Variants in ZNF548 observed in about 807,000 individuals in gnomAD.
ZNF548 encodes the protein zinc finger protein 548.
ZNF548 carries 10 observed loss-of-function variants against 10.2 expected under a neutral mutation model. The ratio of observed to expected loss-of-function variants is 0.98; its 90% CI spans 0.60 to 1.66. ZNF548 has a LOEUF of 1.66. Among genes scored for constraint, ZNF548 ranks in the 40% most tolerant of loss-of-function variants. The pLI, the probability that ZNF548 is intolerant of heterozygous loss-of-function variation, is 0.00. For missense variants in ZNF548, 599 were observed against 657.0 expected (o/e 0.91, Z 0.97); for synonymous variants, 217 against 223.5 (o/e 0.97, Z 0.26).
chr19:57,392,403 G>A (rs1568530847), intron 1 of ZNF548, among the ~76,000 whole-genome samples: 1 of 152,254 alleles, frequency 6.6e-6, no homozygotes, highest in South Asian at 2.1e-4. Flanking sequence ...TTTTCCTTTA[G>A]TATTCTTCGT....
In ZNF548 at chr19:57,398,880, A is replaced by T; in HGVS notation, c.629A>T (p.Lys210Ile). 1 of 1,614,028 alleles carries T rather than the reference A, an allele frequency of 6.2e-7. No homozygotes were observed. The highest frequency in any genetic ancestry group is 8.5e-7 in the Non-Finnish European group (1 of 1,179,898). Residue 210 changes from lysine to isoleucine, a missense_variant, in exon 4 of 4, where the codon AAA becomes ATA. Physicochemically the swap from Lys to Ile is moderately radical, Grantham distance 102. Transcript: ENST00000336128. ...TTTCAGACTGGACAAAATGATTACA[A>T]ATGTAGTGAATGTGGGAAAACCTTC... ...EAFQTGQNDY[K>I]CSECGKTFTC...
At chr19:57,396,769 G>T in intron 2 of ZNF548, 1 of 351,630 alleles carries the variant, frequency 2.8e-6, no homozygotes, top group South Asian at 7.9e-5. Context: ...AGGGCTGGGC[G>T]TCAGGATAGT....
chr19:57,401,056 A>G lies in ZNF548; in HGVS notation c.*1167A>G, dbSNP rs565608885. The G allele has an allele frequency of 7.9e-5, 12 of 151,876 alleles. No homozygotes were observed. The highest frequency in any genetic ancestry group is 1.6e-4 in the Non-Finnish European group (11 of 67,970). 9.4% of individuals were successfully genotyped at this position (151,876 alleles called of 1,614,324 possible). On this transcript the variant is annotated 3_prime_UTR_variant, in exon 4 of 4. Coordinates refer to ENST00000336128, the MANE Select transcript of ZNF548 (RefSeq NM_001172773.2). ...TTTTTTTTCCATTTTTAATGGGACT[A>G]TTTGCTTTTTGTTGTTGAGTTGTAG... is the stretch of plus-strand genomic sequence containing the variant.
At chr19:57,390,403 A>T in intron 1 of ZNF548, 2 of 373,880 alleles carry the variant, frequency 5.3e-6, no homozygotes, top group Non-Finnish European at 9.7e-6. Flanking sequence ...CTGAGCAGCC[A>T]GTAACCATGG....
Position 57,401,392 on chromosome 19 carries a change from T to C in ZNF548, c.*1503T>C, listed in dbSNP as rs2088715401. The C allele has an allele frequency of 6.6e-6, 1 of 152,208 alleles. No homozygotes were observed. The highest frequency in any genetic ancestry group is 2.4e-5 in the African/African-American group (1 of 41,448). The allele number at this position is 152,208 out of a possible 1,614,324, so 9.4% of individuals were successfully genotyped here. A position where few individuals can be genotyped will look rare whatever the true frequency, so the allele number is the denominator to read the frequency against. On this transcript the variant is annotated 3_prime_UTR_variant, in exon 4 of 4. Transcript: ENST00000336128. The stretch of plus-strand genomic sequence containing the variant: ...TTTCTTGTCATTATTCCCTAAACTA[T>C]ATAGTATAATAAATATTTACATAGC...
At position 57,398,630 on chromosome 19, in the gene ZNF548, G is replaced by C; in HGVS notation, c.379G>C (p.Glu127Gln). Residue 127 changes from glutamate to glutamine, a missense_variant, in exon 4 of 4, where the codon GAG becomes CAG. Glu to Gln is a conservative substitution (Grantham distance 29). Transcript: ENST00000336128. The part of the protein sequence containing the change: ...IHPEQHIYIC[E>Q]AELFQHPKQQ... ...TCCTGAGCAACACATATATATTTGT[G>C]AGGCAGAGCTTTTTCAGCACCCAAA... The C allele has an allele frequency of 6.2e-7, 1 of 1,614,046 alleles. No individual in the cohort carries two copies. The highest frequency in any genetic ancestry group is 8.5e-7 in the Non-Finnish European group (1 of 1,179,900).
rs2088716950 is a variant in ZNF548, at chr19:57,401,567, T to A, written c.*1678T>A. ...TATCCACAAGGGGTCCTGGAATCAG[T>A]CCCCCACAGACACCAAGGGATGACT... On this transcript the variant is annotated 3_prime_UTR_variant, in exon 4 of 4. Coordinates refer to ENST00000336128, the MANE Select transcript of ZNF548 (RefSeq NM_001172773.2). 1 of 152,042 alleles carries A rather than the reference T, an allele frequency of 6.6e-6. No homozygotes were observed. Among genetic ancestry groups the A allele is most frequent in the Non-Finnish European group, 1.5e-5 (1 of 68,014 alleles). The allele number at this position is 152,042 out of a possible 1,614,324, so 9.4% of individuals were successfully genotyped here.
Position 57,400,660 on chromosome 19 carries a change from C to T in ZNF548, c.*771C>T, listed in dbSNP as rs2088708729. The T allele has an allele frequency of 6.6e-6, 1 of 152,224 alleles. No homozygotes were observed. 9.4% of individuals were successfully genotyped at this position (152,224 alleles called of 1,614,324 possible). A position where few individuals can be genotyped will look rare whatever the true frequency, so the allele number is the denominator to read the frequency against. On this transcript the variant is annotated 3_prime_UTR_variant, in exon 4 of 4. Transcript: ENST00000336128. ...GTGTTAGCCAGGATGGTCCTGATCTCCTGACCTTGTGATCTGCCTGCCTTG... is the reference window on the plus strand; with the variant it reads ...GTGTTAGCCAGGATGGTCCTGATCTTCTGACCTTGTGATCTGCCTGCCTTG...
chr19:57,399,380 T>C lies in ZNF548; in HGVS notation c.1129T>C (p.Tyr377His). 1.9e-6 allele frequency: 3 copies of C among 1,614,216 alleles called. No individual in the cohort carries two copies. Among genetic ancestry groups the C allele is most frequent in the Non-Finnish European group, 2.5e-6 (3 of 1,180,044 alleles). The change falls in exon 4 of 4, where the codon TAT (tyrosine) becomes CAT (histidine). Residue 377 changes from tyrosine (Y) to histidine (H), a missense_variant. Transcript: ENST00000336128. The surrounding 1 kb of genome is among the most constrained non-coding windows in gnomAD (Gnocchi z 4.0). ...GAGAATTCACACTGGAGAAAGGCCT[T>C]ATGAGTGCAGTGTATGTGGGGAATT... ...HQRIHTGERP[Y>H]ECSVCGELFR... is the part of the protein sequence containing the mutation.
rs754358214 is a variant in ZNF548, at chr19:57,394,247, T to G, written c.51+24T>G. Reference sequence around the variant, plus strand: ...AGGTGAGTAGAGTGTTTCCTACTATTCACCCACCCTGGTTATCTCCCAGAT... The same window carrying G: ...AGGTGAGTAGAGTGTTTCCTACTATGCACCCACCCTGGTTATCTCCCAGAT... On this transcript the variant is annotated intron_variant, in intron 2 of 3. Transcript: ENST00000336128. 2.3e-5 allele frequency: 37 copies of G among 1,598,266 alleles called. No homozygotes were observed. In the African/African-American group the frequency reaches 4.9e-4, roughly 21 times the overall value.
intron 3 of ZNF548, among the ~76,000 whole-genome samples, chr19:57,397,941 A>G (rs78738681): frequency 0.019 from 2,821 of 152,178 alleles, 50 homozygotes; most frequent in Non-Finnish European, 0.027. Context: ...TGCACCTCCA[A>G]TGCCCCACAG....
Position 57,400,645 on chromosome 19 carries a change from G to A in ZNF548, c.*756G>A, listed in dbSNP as rs952055334. The A allele has an allele frequency of 6.6e-6, 1 of 152,300 alleles. No homozygotes were observed. Among genetic ancestry groups the A allele is most frequent in the African/African-American group, 2.4e-5 (1 of 41,452 alleles). 9.4% of individuals were successfully genotyped at this position (152,300 alleles called of 1,614,324 possible). ...AGACGGGGTTTCACCGTGTTAGCCA[G>A]GATGGTCCTGATCTCCTGACCTTGT... On this transcript the variant is annotated 3_prime_UTR_variant, in exon 4 of 4. Transcript: ENST00000336128.
rs2088704910 is a variant in ZNF548 at position 57,400,270 on chromosome 19, A to T, written c.*381A>T. ...ATTTATATACCACATTTATTTATCC[A>T]TTCATCTGTTAGTGGATACTTGGGC... On this transcript the variant is annotated 3_prime_UTR_variant, in exon 4 of 4. Coordinates refer to ENST00000336128, the MANE Select transcript of ZNF548 (RefSeq NM_001172773.2). The T allele has an allele frequency of 5.6e-6, 1 of 178,358 alleles. No individual in the cohort carries two copies. Among genetic ancestry groups the T allele is most frequent in the Admixed American group, 5.4e-5 (1 of 18,602 alleles). The allele number at this position is 178,358 out of a possible 1,614,324, so 11.0% of individuals were successfully genotyped here.
chr19:57,393,219 A>G (rs2088639299), intron 1 of ZNF548, among the ~76,000 whole-genome samples: 1 of 152,224 alleles, frequency 6.6e-6, no homozygotes, highest in Admixed American at 6.5e-5. Flanking sequence ...AGAAAGGACC[A>G]GTACCTGACC....
In ZNF548 at chr19:57,389,963, G is replaced by A; in HGVS notation, c.-137G>A. 1 of 1,131,284 alleles carries A rather than the reference G, an allele frequency of 8.8e-7. No individual in the cohort carries two copies. The highest frequency in any genetic ancestry group is 2.6e-5 in the East Asian group (1 of 38,984). The allele number at this position is 1,131,284 out of a possible 1,614,324, so 70.1% of individuals were successfully genotyped here. ...CACCGAAGTGACGGAACGGAAAAGC[G>A]CGAGAAGCGGCTCGGTTCCCACCAC... is the stretch of plus-strand genomic sequence containing the variant. On this transcript the variant is annotated 5_prime_UTR_variant, in exon 1 of 4. Coordinates refer to ENST00000336128, the MANE Select transcript of ZNF548 (RefSeq NM_001172773.2).
In ZNF548 at chr19:57,399,634, C is replaced by T. The variant is rs765321562; in HGVS notation, c.1383C>T (p.Tyr461=). The change falls in exon 4 of 4, where the codon TAC becomes TAT. Residue 461 remains tyrosine, a synonymous_variant. Transcript: ENST00000336128. This position sits in a 1 kb window ranked among gnomAD's most constrained non-coding sequence, Gnocchi z 4.0. Reference sequence around the variant, plus strand: ...GAAATCACACTGGAGAAAGGCCTTACGAGTGCAGAGAGTGTGGGAAAGCCT... The same window carrying T: ...GAAATCACACTGGAGAAAGGCCTTATGAGTGCAGAGAGTGTGGGAAAGCCT... ...HWRNHTGERP[Y]ECRECGKAFS... 1.2e-5 allele frequency: 20 copies of T among 1,613,808 alleles called. No individual in the cohort carries two copies. The highest frequency in any genetic ancestry group is 1.2e-4 in the South Asian group (11 of 91,044).
In ZNF548 at chr19:57,400,246, T is replaced by G. The variant is rs2088704619; in HGVS notation, c.*357T>G. On this transcript the variant is annotated 3_prime_UTR_variant, in exon 4 of 4. Transcript: ENST00000336128. ...TTAGGTGAAATAATATTCTATGGTA[T>G]TTATATACCACATTTATTTATCCAT... is the stretch of plus-strand genomic sequence containing the variant. 1 of 195,008 alleles carries G rather than the reference T, an allele frequency of 5.1e-6. No homozygotes were observed. The highest frequency in any genetic ancestry group is 2.3e-5 in the African/African-American group (1 of 42,782). 12.1% of individuals were successfully genotyped at this position (195,008 alleles called of 1,614,324 possible).
chr19:57,396,973 G>A (rs770307703), intron 2 of ZNF548, 75 bp from the exon 3 acceptor site: 2 of 1,526,770 alleles, frequency 1.3e-6, no homozygotes, highest in Non-Finnish European at 8.8e-7. Context: ...GTAAATATAA[G>A]TAGAAAATAG....
Position 57,399,056 on chromosome 19 carries a change from G to C in ZNF548, c.805G>C (p.Glu269Gln), listed in dbSNP as rs199971340. 9 of 1,614,224 alleles carry C rather than the reference G, an allele frequency of 5.6e-6. No homozygotes were observed. Among genetic ancestry groups the C allele is most frequent in the Admixed American group, 1.7e-5 (1 of 60,030 alleles). The part of the protein sequence containing the change: ...HTSERTYECR[E>Q]CGKSFMYNYR... ...TAGTGAAAGGACTTATGAGTGCAGAGAATGTGGAAAATCCTTTATGTACAA... is the reference window on the plus strand; with the variant it reads ...TAGTGAAAGGACTTATGAGTGCAGACAATGTGGAAAATCCTTTATGTACAA... Residue 269 changes from glutamate to glutamine, a missense_variant, in exon 4 of 4, where the codon GAA becomes CAA. Coordinates refer to ENST00000336128, the MANE Select transcript of ZNF548 (RefSeq NM_001172773.2). This position sits in a 1 kb window ranked among gnomAD's most constrained non-coding sequence, Gnocchi z 4.0.
Sources: gnomAD v4.1 joint callset for allele counts (sites outside exome capture counted in the v4.1 genomes callset) on GRCh38, gnomAD v4.1.1 for gene constraint, Gnocchi (gnomAD v3.1) non-coding constraint, MANE v1.5 for transcripts, NCBI Gene and HGNC (gene_info 2026-07-23, HGNC 2026-07-21) for gene names.